Variants in HNRNPD observed in about 807,000 individuals in gnomAD.
The protein encoded by HNRNPD is heterogeneous nuclear ribonucleoprotein D0.
HNRNPD carries 3 observed loss-of-function variants against 47.9 expected under a neutral mutation model. The observed-to-expected ratio is 0.06, with a 90% CI of 0.03 to 0.16. The LOEUF (loss-of-function observed/expected upper bound fraction) is 0.16, where lower values mean the gene tolerates loss of function less well. Ranked by LOEUF, HNRNPD falls within the 10% of genes least tolerant of loss-of-function variation. The pLI, the probability that HNRNPD is intolerant of heterozygous loss-of-function variation, is 1.00. For synonymous variants in HNRNPD, 171 were observed against 165.1 expected (o/e 1.04, Z -0.28); for missense variants, 287 against 454.2 (o/e 0.63, Z 3.35).
At chr4:82,369,482 A>C (rs954897750) in intron 2 of HNRNPD, among the ~76,000 whole-genome samples, 6 of 152,246 alleles carry the variant, frequency 3.9e-5, no homozygotes, top group Non-Finnish European at 7.3e-5. Flanking sequence ...ACTGATTTTT[A>C]AAGTATTTTA....
At chr4:82,355,064 C>T (rs1468691586) in intron 8 of HNRNPD, 1 of 494,328 alleles carries the variant, frequency 2.0e-6, no homozygotes. Flanking sequence ...GCTGCAATTC[C>T]TTAATTTGTA....
rs111819003 is a variant in HNRNPD, at chr4:82,359,458, C to T, written c.459+13G>A. ...TTTATATTATTAACTGATCAGAACACGTAACACACTACCTTATCTACACTC... is the reference window on the plus strand; with the variant it reads ...TTTATATTATTAACTGATCAGAACATGTAACACACTACCTTATCTACACTC... On this transcript the variant is annotated intron_variant, in intron 3 of 8. Transcript: ENST00000313899. 5 of 1,508,386 alleles carry T rather than the reference C, an allele frequency of 3.3e-6. No homozygotes were observed. The South Asian group carries it at 5.2e-5, about 16-fold the overall frequency. The allele number at this position is 1,508,386 out of a possible 1,614,324, so 93.4% of individuals were successfully genotyped here.
intron 2 of HNRNPD, among the ~76,000 whole-genome samples, chr4:82,363,048 G>GTGTGTA (rs1198240906): frequency 0.03 from 4,332 of 145,436 alleles, 210 homozygotes; most frequent in African/African-American, 0.11. Flanking sequence ...GTGTGTGTGT[G>GTGTGTA]TATATATATA....
At chr4:82,364,127 C>T (rs571490352) in intron 2 of HNRNPD, among the ~76,000 whole-genome samples, 2 of 152,164 alleles carry the variant, frequency 1.3e-5, no homozygotes, top group South Asian at 4.2e-4. Context: ...CAGGCACCCA[C>T]CAACACACCC....
rs1720272614 is a variant in HNRNPD at position 82,373,745 on chromosome 4, C to T, written c.-67G>A. On this transcript the variant is annotated 5_prime_UTR_variant, in exon 1 of 9. Transcript: ENST00000313899. ...CGCTGCCGCGAACCGAAACTAGCAG[C>T]AAAGTAATCCCCGCCGCTGCCGCGC... 31 of 1,526,590 alleles carry T rather than the reference C, an allele frequency of 2.0e-5. No homozygotes were observed. Among genetic ancestry groups the T allele is most frequent in the Non-Finnish European group, 2.7e-5 (31 of 1,143,302 alleles). 94.6% of individuals were successfully genotyped at this position (1,526,590 alleles called of 1,614,324 possible).
chr4:82,373,670 C>T lies in HNRNPD; in HGVS notation c.9G>A (p.Glu3=), dbSNP rs1186118498. The T allele has an allele frequency of 1.7e-5, 26 of 1,529,454 alleles. No homozygotes were observed. Among genetic ancestry groups the T allele is most frequent in the East Asian group, 2.5e-5 (1 of 40,180 alleles). 94.7% of individuals were successfully genotyped at this position (1,529,454 alleles called of 1,614,324 possible). A position where few individuals can be genotyped will look rare whatever the true frequency, so the allele number is the denominator to read the frequency against. Residue 3 remains glutamate (E), a synonymous_variant, in exon 1 of 9, where the codon GAG becomes GAA. Transcript: ENST00000313899. MS[E]EQFGGDGAAA... Reference sequence around the variant, plus strand: ...CCGCCCCGTCCCCGCCGAACTGCTCCTCCGACATAGTGCTAGTGTCTCCGC... The same window carrying T: ...CCGCCCCGTCCCCGCCGAACTGCTCTTCCGACATAGTGCTAGTGTCTCCGC...
chr4:82,364,478 ATAATT>A (rs1380308988), intron 2 of HNRNPD, among the ~76,000 whole-genome samples: 2 of 152,202 alleles, frequency 1.3e-5, no homozygotes, highest in African/African-American at 4.8e-5. Flanking sequence ...CTATCTAAAC[ATAATT>A]TAATAAAGCA....
chr4:82,373,475 A>C lies in HNRNPD; in HGVS notation c.204T>G (p.Ile68Met), dbSNP rs1720222515. 6.4e-7 allele frequency: 1 copy of C among 1,562,238 alleles called. No individual in the cohort carries two copies. The highest frequency in any genetic ancestry group is 8.7e-7 in the Non-Finnish European group (1 of 1,152,464). The change falls in exon 1 of 9, where the codon ATT becomes ATG. Residue 68 changes from isoleucine (I) to methionine (M), a missense_variant. By Grantham distance (10) the Ile-to-Met change is conservative. Coordinates refer to ENST00000313899, the MANE Select transcript of HNRNPD (RefSeq NM_031370.3). ...CATCCTCCTCGTTCTTACTGGCGTC[A>C]ATCTTCGCCCCCTCCGACTCGGCGC... is the stretch of plus-strand genomic sequence containing the variant. The part of the protein sequence containing the change: ...GGSAESEGAK[I>M]DASKNEEDEG...
At chr4:82,372,685 C>G (rs150023443) in intron 1 of HNRNPD, among the ~76,000 whole-genome samples, 22 of 152,302 alleles carry the variant, frequency 1.4e-4, no homozygotes, top group African/African-American at 5.3e-4. Context: ...GAGATAGGAA[C>G]AGCTCCAGTC....
At chr4:82,365,364 C>T (rs545145966) in intron 2 of HNRNPD, among the ~76,000 whole-genome samples, 2 of 152,120 alleles carry the variant, frequency 1.3e-5, no homozygotes, top group Admixed American at 6.5e-5. Context: ...CCATTAAATC[C>T]TTACTGAATT....
intron 1 of HNRNPD, chr4:82,373,190 G>C (rs1339383160): frequency 5.9e-6 from 4 of 677,686 alleles, no homozygotes; most frequent in African/African-American, 5.3e-5. Context: ...GAGGAAAGGA[G>C]GGCGGGCCGA....
intron 7 of HNRNPD, 108 bp from the exon 8 acceptor site, chr4:82,355,509 C>T (rs915950585): frequency 1.3e-6 from 1 of 774,512 alleles, no homozygotes; most frequent in African/African-American, 1.8e-5. Context: ...GCTTAATTCC[C>T]AAGTGTGAAA....
chr4:82,364,989 A>G (rs1321420595), intron 2 of HNRNPD, among the ~76,000 whole-genome samples: 1 of 152,188 alleles, frequency 6.6e-6, no homozygotes, highest in African/African-American at 2.4e-5. Flanking sequence ...ATTCAAGGTA[A>G]AAAGTTAGCC....
chr4:82,363,560 G>A (rs1193025593), intron 2 of HNRNPD, among the ~76,000 whole-genome samples: 1 of 152,142 alleles, frequency 6.6e-6, no homozygotes, highest in African/African-American at 2.4e-5. Flanking sequence ...AAACGACCAA[G>A]ACTTGTTCAA....
At chr4:82,364,662 A>T (rs557289084) in intron 2 of HNRNPD, among the ~76,000 whole-genome samples, 3 of 152,218 alleles carry the variant, frequency 2.0e-5, no homozygotes, top group South Asian at 4.1e-4. Flanking sequence ...CATGTAAAAA[A>T]ATATATAAAC....
chr4:82,357,986 CTTAT>C (rs1487785480), intron 4 of HNRNPD: 1 of 152,282 alleles, frequency 6.6e-6, no homozygotes, highest in Non-Finnish European at 1.5e-5. Flanking sequence ...TAAAAAAGCA[CTTAT>C]TGTTTCAATC....
intron 2 of HNRNPD, among the ~76,000 whole-genome samples, chr4:82,364,497 T>G (rs1719651208): frequency 6.6e-6 from 1 of 152,174 alleles, no homozygotes; most frequent in African/African-American, 2.4e-5. Context: ...TAAAGCAAAC[T>G]TTTTATTTAC....
chr4:82,355,425 C>A lies in HNRNPD; in HGVS notation c.1001-24G>T, dbSNP rs775588162. 2.6e-6 allele frequency: 4 copies of A among 1,564,192 alleles called. No homozygotes were observed. The South Asian group carries it at 4.4e-5, about 17-fold the overall frequency. ...GTCTAAAATAAAACAAGTGTTAGAA[C>A]CAGAACGGTAGTGGTTACATACTAA... On this transcript the variant is annotated intron_variant, in intron 7 of 8. Transcript: ENST00000313899.
intron 1 of HNRNPD, 171 bp downstream of exon 1, chr4:82,373,275 A>C: frequency 3.4e-6 from 3 of 876,102 alleles, no homozygotes; most frequent in Non-Finnish European, 5.3e-6. Flanking sequence ...CAAAGGAAGA[A>C]GGAAATGAAG....
Sources: allele counts gnomAD v4.1 joint callset (sites outside exome capture counted in the v4.1 genomes callset), GRCh38; gene constraint gnomAD v4.1.1; transcripts MANE v1.5; gene names NCBI Gene and HGNC (gene_info 2026-07-23, HGNC 2026-07-21).